ZC4H2: variants seen among roughly 807,000 people sequenced by gnomAD.
ZC4H2 encodes the protein zinc finger C4H2-type containing.
For missense variants in ZC4H2, 137 were observed against 173.9 expected, an observed-to-expected ratio of 0.79 and a Z score of 1.19; for synonymous variants, 84 against 66.3, an observed-to-expected ratio of 1.27 and a Z score of -1.30.
intron 1 of ZC4H2, among the ~76,000 whole-genome samples, chrX:64,961,457 C>T (rs1008020141): frequency 9.0e-6 from 1 of 110,766 alleles, no homozygotes; most frequent in African/African-American, 3.3e-5. Context: ...CATGCCTCTA[C>T]TTGGTCAGTT....
chrX:64,921,781 A>G (rs1175975839), intron 2 of ZC4H2, 36 bp downstream of exon 2: 4 of 1,193,558 alleles, frequency 3.4e-6, no homozygotes, highest in African/African-American at 1.7e-5. Context: ...CCTCTTTCTC[A>G]AAGGCTTTAG....
At chrX:64,927,951 C>A (rs187505240) in intron 1 of ZC4H2, among the ~76,000 whole-genome samples, 17 of 112,239 alleles carry the variant, frequency 1.5e-4, no homozygotes, top group African/African-American at 4.9e-4. Flanking sequence ...TGTTCATATC[C>A]TTCACCCACT....
chrX:64,972,926 T>C (rs776952034), intron 1 of ZC4H2, among the ~76,000 whole-genome samples: 25 of 112,331 alleles, frequency 2.2e-4, no homozygotes, highest in African/African-American at 8.1e-4. Flanking sequence ...TGGCTTAACC[T>C]TTGTATATTA....
chrX:64,937,317 G>T (rs1930060962), intron 1 of ZC4H2, among the ~76,000 whole-genome samples: 1 of 111,064 alleles, frequency 9.0e-6, no homozygotes, highest in Non-Finnish European at 1.9e-5. Context: ...AAGAAACACA[G>T]ACTCCCACAC....
At chrX:65,002,474 G>A (rs1005862006) in intron 1 of ZC4H2, among the ~76,000 whole-genome samples, 6 of 108,771 alleles carry the variant, frequency 5.5e-5, no homozygotes, top group Admixed American at 9.7e-5. Flanking sequence ...CGCCCCATCC[G>A]GGAGGTGGGG....
At chrX:64,935,604 G>T (rs934485115) in intron 1 of ZC4H2, among the ~76,000 whole-genome samples, 2 of 112,097 alleles carry the variant, frequency 1.8e-5, no homozygotes, top group Non-Finnish European at 3.8e-5. Flanking sequence ...GTGCCCCTCT[G>T]GGAGAAAACT....
At chrX:64,956,428 G>A (rs1395847487) in intron 1 of ZC4H2, among the ~76,000 whole-genome samples, 1 of 111,116 alleles carries the variant, frequency 9.0e-6, no homozygotes, top group East Asian at 2.8e-4. Flanking sequence ...TTTGCATGCA[G>A]CCATCTATAG....
chrX:64,924,696 C>A (rs756856902), intron 1 of ZC4H2, among the ~76,000 whole-genome samples: 3 of 111,192 alleles, frequency 2.7e-5, no homozygotes, highest in South Asian at 7.7e-4. Context: ...GGTGGGCACA[C>A]AGGAGAACAG....
chrX:65,017,493 A>T (rs1932805082), intron 1 of ZC4H2, among the ~76,000 whole-genome samples: 1 of 112,415 alleles, frequency 8.9e-6, no homozygotes, highest in Admixed American at 9.4e-5. Context: ...GGAAAGTTAA[A>T]ATTTCATGCT....
intron 1 of ZC4H2, among the ~76,000 whole-genome samples, chrX:64,950,921 G>A (rs866585618): frequency 1.2e-4 from 13 of 109,985 alleles, no homozygotes; most frequent in Admixed American, 2.0e-4. Context: ...TCGTCATTTA[G>A]CATTAGGTAT....
At chrX:64,957,690 T>C (rs754655292) in intron 1 of ZC4H2, among the ~76,000 whole-genome samples, 13 of 108,523 alleles carry the variant, frequency 1.2e-4, no homozygotes, top group African/African-American at 4.4e-4. Flanking sequence ...GAAGACCCTA[T>C]CTCTATTAAA....
chrX:65,020,465 A>C (rs897461775), intron 1 of ZC4H2, among the ~76,000 whole-genome samples: 3 of 111,831 alleles, frequency 2.7e-5, no homozygotes, highest in Admixed American at 1.9e-4. Flanking sequence ...GAAATAAAAT[A>C]CTTTACAGAC....
chrX:64,967,774 C>T (rs1340957207), intron 1 of ZC4H2, among the ~76,000 whole-genome samples: 2 of 112,208 alleles, frequency 1.8e-5, no homozygotes, highest in Non-Finnish European at 3.8e-5. Context: ...CCTCTGGGTC[C>T]TCTAAAAAGT....
chrX:64,946,146 C>A (rs1930519781), intron 1 of ZC4H2, among the ~76,000 whole-genome samples: 2 of 108,538 alleles, frequency 1.8e-5, no homozygotes, highest in Admixed American at 1.0e-4. Flanking sequence ...AAACCAAAAC[C>A]AAAACAAAAC....
intron 1 of ZC4H2, among the ~76,000 whole-genome samples, chrX:64,947,030 A>C (rs751136152): frequency 9.0e-6 from 1 of 111,012 alleles, no homozygotes; most frequent in East Asian, 2.8e-4. Context: ...ACAATTTTTG[A>C]TATTTTTCAG....
In ZC4H2 at chrX:64,916,771, A is replaced by G. The variant is rs956657601; in HGVS notation, c.*1012T>C. On this transcript the variant is annotated 3_prime_UTR_variant, in exon 5 of 5. Transcript: ENST00000374839. Reference sequence around the variant, plus strand: ...CACAGGACAGGAGTGGCCAGCAGCTATCCTGAGCTGAGGCTCCAGAAGAGT... The same window carrying G: ...CACAGGACAGGAGTGGCCAGCAGCTGTCCTGAGCTGAGGCTCCAGAAGAGT... 3.6e-5 allele frequency: 4 copies of G among 111,772 alleles called. No individual in the cohort carries two copies. The highest frequency in any genetic ancestry group is 1.9e-4 in the Admixed American group (2 of 10,557). 9.2% of individuals were successfully genotyped at this position (111,772 alleles called of 1,213,427 possible). A position where few individuals can be genotyped will look rare whatever the true frequency, so the allele number is the denominator to read the frequency against.
intron 1 of ZC4H2, among the ~76,000 whole-genome samples, chrX:65,022,219 C>T (rs1436011857): frequency 9.0e-6 from 1 of 111,178 alleles, no homozygotes; most frequent in Admixed American, 9.6e-5. Flanking sequence ...CAGAGACACA[C>T]AAAAAAAGAA....
intron 1 of ZC4H2, among the ~76,000 whole-genome samples, chrX:64,935,864 T>A (rs776804848): frequency 1.8e-5 from 2 of 110,907 alleles, no homozygotes; most frequent in East Asian, 5.8e-4. Context: ...ATGCCTCTTC[T>A]CCTCTAAAGG....
At chrX:65,033,993 G>A (rs764388218) in intron 1 of ZC4H2, among the ~76,000 whole-genome samples, 3 of 108,826 alleles carry the variant, frequency 2.8e-5, no homozygotes, top group Admixed American at 9.8e-5. Context: ...GGAGGCTGAA[G>A]CAGGAGAATT....
Sources: gnomAD v4.1 joint callset for allele counts (sites outside exome capture counted in the v4.1 genomes callset) on GRCh38, gnomAD v4.1.1 for gene constraint, MANE v1.5 for transcripts, NCBI Gene and HGNC (gene_info 2026-07-23, HGNC 2026-07-21) for gene names.